Variants in MARCHF1 observed in about 807,000 individuals in gnomAD.
The protein encoded by MARCHF1 is membrane associated ring-CH-type finger 1, also known as E3 ubiquitin-protein ligase MARCHF1.
A neutral mutation model predicts 54.2 loss-of-function variants in MARCHF1; 40 were observed. The ratio of observed to expected loss-of-function variants is 0.74; its 90% CI spans 0.57 to 0.96. The LOEUF is 0.96. Ranked by LOEUF, MARCHF1 falls within the 40% of genes least tolerant of loss-of-function variation. MARCHF1 has a pLI of 0.00. For missense variants in MARCHF1, 586 were observed against 656.5 expected (o/e 0.89, Z 1.17); for synonymous variants, 236 against 236.3 (o/e 1.00, Z 0.01).
At chr4:164,287,785 C>T (rs1261024079) in intron 1 of MARCHF1, among the ~76,000 whole-genome samples, 2 of 151,950 alleles carry the variant, frequency 1.3e-5, no homozygotes, top group Non-Finnish European at 2.9e-5. Context: ...TCTTTAGAAT[C>T]GAATAGTTAT....
At chr4:164,142,716 T>TG (rs1413567066) in intron 1 of MARCHF1, among the ~76,000 whole-genome samples, 1 of 151,778 alleles carries the variant, frequency 6.6e-6, no homozygotes, top group Non-Finnish European at 1.5e-5. Flanking sequence ...ACCACAAAAA[T>TG]GGGGAAAAAA....
At chr4:163,666,105 A>G (rs1037537051) in intron 5 of MARCHF1, among the ~76,000 whole-genome samples, 1 of 152,132 alleles carries the variant, frequency 6.6e-6, no homozygotes. Flanking sequence ...ACAAGCCTCA[A>G]TAGAAGGCCC....
At chr4:163,746,307 A>C (rs965237022) in intron 4 of MARCHF1, among the ~76,000 whole-genome samples, 4 of 152,138 alleles carry the variant, frequency 2.6e-5, no homozygotes, top group Admixed American at 6.5e-5. Context: ...ACGTGCATTT[A>C]AGTTTCCTCT....
At chr4:163,815,373 T>A (rs936177415) in intron 4 of MARCHF1, among the ~76,000 whole-genome samples, 1 of 152,206 alleles carries the variant, frequency 6.6e-6, no homozygotes, top group Non-Finnish European at 1.5e-5. Flanking sequence ...TTCTGGTTGA[T>A]AAAGAAAGGC....
intron 1 of MARCHF1, chr4:164,197,775 C>A: frequency 6.2e-7 from 1 of 1,607,338 alleles, no homozygotes; most frequent in Non-Finnish European, 8.5e-7. Flanking sequence ...AACCTCGAAC[C>A]CACGGCCGCA....
intron 5 of MARCHF1, among the ~76,000 whole-genome samples, chr4:163,636,077 T>C (rs1274652532): frequency 6.6e-6 from 1 of 152,110 alleles, no homozygotes; most frequent in African/African-American, 2.4e-5. Flanking sequence ...ATAAATTAGG[T>C]ATCGATGGGA....
intron 2 of MARCHF1, among the ~76,000 whole-genome samples, chr4:164,057,884 A>T (rs1754530075): frequency 1.3e-5 from 2 of 152,272 alleles, no homozygotes; most frequent in African/African-American, 4.8e-5. Flanking sequence ...AATCTAATCA[A>T]TCTCTAGACT....
chr4:163,774,990 T>G (rs1747264174), intron 4 of MARCHF1, among the ~76,000 whole-genome samples: 1 of 152,088 alleles, frequency 6.6e-6, no homozygotes, highest in African/African-American at 2.4e-5. Context: ...GTCACGTCAC[T>G]TCTCTGTTTA....
intron 1 of MARCHF1, among the ~76,000 whole-genome samples, chr4:164,163,349 T>C (rs915689873): frequency 6.6e-6 from 1 of 152,008 alleles, no homozygotes; most frequent in Non-Finnish European, 1.5e-5. Flanking sequence ...ATAAAGTGAT[T>C]GAAATTTCAC....
At chr4:163,625,152 A>G (rs77382275) in intron 5 of MARCHF1, among the ~76,000 whole-genome samples, 5,340 of 152,112 alleles carry the variant, frequency 0.035, 320 homozygotes, top group East Asian at 0.2. Context: ...TTATGCCTTT[A>G]CTCTATAGAC....
At chr4:164,359,748 T>C (rs907161851) in intron 1 of MARCHF1, among the ~76,000 whole-genome samples, 6 of 152,144 alleles carry the variant, frequency 3.9e-5, no homozygotes, top group South Asian at 4.1e-4. Context: ...ATACTGACAG[T>C]GCTGTAACAT....
intron 5 of MARCHF1, among the ~76,000 whole-genome samples, chr4:163,638,574 C>G (rs1742435654): frequency 6.6e-6 from 1 of 151,948 alleles, no homozygotes; most frequent in East Asian, 1.9e-4. Context: ...AATCAAATTA[C>G]TTTTTTTTAA....
intron 2 of MARCHF1, among the ~76,000 whole-genome samples, chr4:164,014,766 T>G (rs1162231042): frequency 6.6e-6 from 1 of 151,916 alleles, no homozygotes. Context: ...AAAACATATT[T>G]CAAGAAAAAA....
At chr4:163,750,052 G>C (rs1396266414) in intron 4 of MARCHF1, among the ~76,000 whole-genome samples, 1 of 151,162 alleles carries the variant, frequency 6.6e-6, no homozygotes. Context: ...CTGGGTGACA[G>C]AGTGAGACTG....
chr4:163,681,079 T>C (rs1231070720), intron 5 of MARCHF1, among the ~76,000 whole-genome samples: 2 of 151,732 alleles, frequency 1.3e-5, no homozygotes, highest in Non-Finnish European at 2.9e-5. Context: ...ATTAGATGAA[T>C]GCTAACCAGA....
At chr4:164,184,019 T>A (rs1730901450) in intron 1 of MARCHF1, among the ~76,000 whole-genome samples, 1 of 152,128 alleles carries the variant, frequency 6.6e-6, no homozygotes, top group Admixed American at 6.5e-5. Context: ...CCTCTTGGAG[T>A]ACAATCTTCA....
chr4:163,573,577 C>T (rs1739922043), intron 8 of MARCHF1, among the ~76,000 whole-genome samples: 1 of 150,072 alleles, frequency 6.7e-6, no homozygotes, highest in African/African-American at 2.5e-5. Flanking sequence ...GTTTTTTGTT[C>T]TTGTGATAGT....
intron 1 of MARCHF1, among the ~76,000 whole-genome samples, chr4:164,169,839 C>T (rs1730476967): frequency 6.6e-6 from 1 of 152,090 alleles, no homozygotes; most frequent in African/African-American, 2.4e-5. Flanking sequence ...GACTCACTCA[C>T]TTTATACCTT....
rs1363887083 is a variant in MARCHF1 at position 163,607,219 on chromosome 4, T to C, written c.1010+5052A>G. The stretch of plus-strand genomic sequence containing the variant: ...TTTGAATTGATTTCTGTTGATTTTA[T>C]CCCATTAGAAAAGTACTTAACAAAA... On this transcript the variant is annotated intron_variant, in intron 7 of 9. Transcript: ENST00000514618. Among the ~76,000 whole-genome samples, 3 of 152,074 alleles carry C rather than the reference T, an allele frequency of 2.0e-5. 1 individual carries two copies. Among genetic ancestry groups the C allele is most frequent in the Non-Finnish European group, 4.4e-5 (3 of 67,998 alleles).
Sources: gnomAD v4.1 joint callset for allele counts (sites outside exome capture counted in the v4.1 genomes callset) on GRCh38, gnomAD v4.1.1 for gene constraint, MANE v1.5 for transcripts, NCBI Gene and HGNC (gene_info 2026-07-23, HGNC 2026-07-21) for gene names.